Variants in PARD3B observed in about 807,000 individuals in gnomAD.
The protein encoded by PARD3B is par-3 family cell polarity regulator beta, also known as partitioning defective 3 homolog B.
A neutral mutation model predicts 130.2 loss-of-function variants in PARD3B; 103 were observed. The observed-to-expected ratio is 0.79, with a 90% CI of 0.67 to 0.93. The LOEUF (loss-of-function observed/expected upper bound fraction) is 0.93, where lower values mean the gene tolerates loss of function less well. Ranked by LOEUF, PARD3B falls within the 40% of genes least tolerant of loss-of-function variation. The pLI, the probability that PARD3B is intolerant of heterozygous loss-of-function variation, is 0.00. For synonymous variants in PARD3B, 583 were observed against 553.2 expected (o/e 1.05, Z -0.76); for missense variants, 1,609 against 1,499.2 (o/e 1.07, Z -1.21).
intron 1 of PARD3B, among the ~76,000 whole-genome samples, chr2:204,594,934 T>C (rs1404131858): frequency 6.6e-6 from 1 of 152,202 alleles, no homozygotes; most frequent in Non-Finnish European, 1.5e-5. Context: ...TCACAATTGC[T>C]GTTTCTAAGT....
chr2:204,676,630 A>G (rs2036556933), intron 1 of PARD3B, among the ~76,000 whole-genome samples: 1 of 145,640 alleles, frequency 6.9e-6, no homozygotes, highest in South Asian at 2.2e-4. Context: ...TAGAGAGCTC[A>G]TGTTTTTACC....
intron 2 of PARD3B, among the ~76,000 whole-genome samples, chr2:204,720,415 G>T (rs532766977): frequency 1.3e-5 from 2 of 152,110 alleles, no homozygotes; most frequent in Non-Finnish European, 2.9e-5. Flanking sequence ...TGATAAAATA[G>T]ACCCAACTTA....
At chr2:205,560,370 A>G (rs1225249476) in intron 22 of PARD3B, among the ~76,000 whole-genome samples, 1 of 152,228 alleles carries the variant, frequency 6.6e-6, no homozygotes, top group Admixed American at 6.5e-5. Context: ...ATAAAAATCA[A>G]TTCTTTTTTC....
In PARD3B at chr2:204,918,593, G is replaced by A. The variant is rs556824226; in HGVS notation, c.223-46559G>A. Among the ~76,000 whole-genome samples, 50 of 145,788 alleles carry A rather than the reference G, an allele frequency of 3.4e-4. No individual in the cohort carries two copies. The East Asian group carries it at 5.8e-3, about 17-fold the overall frequency. ...TGCAGTGAGCCGAGATCCCGCCACTGCACTCCAGCCTGGGCGACAGAGCGA... is the reference window on the plus strand; with the variant it reads ...TGCAGTGAGCCGAGATCCCGCCACTACACTCCAGCCTGGGCGACAGAGCGA... On this transcript the variant is annotated intron_variant, in intron 2 of 22. Coordinates refer to ENST00000406610, the MANE Select transcript of PARD3B (RefSeq NM_001302769.2).
intron 2 of PARD3B, among the ~76,000 whole-genome samples, chr2:204,760,900 G>T (rs1196247482): frequency 6.6e-6 from 1 of 152,154 alleles, no homozygotes; most frequent in African/African-American, 2.4e-5. Flanking sequence ...AGTTACTTCT[G>T]TTCAAGGATA....
In PARD3B at chr2:204,546,044, C is replaced by T. The variant is rs928208415; in HGVS notation, c.45C>T (p.Pro15=). 1 of 1,567,002 alleles carries T rather than the reference C, an allele frequency of 6.4e-7. No individual in the cohort carries two copies. Among genetic ancestry groups the T allele is most frequent in the Non-Finnish European group, 8.7e-7 (1 of 1,155,144 alleles). ...VCFGRTGIVV[P]CKEGQLRVGE... is the part of the protein sequence containing the mutation. ...TCGGCAGGACGGGCATCGTGGTGCCCTGCAAGGAGGGCCAGCTGCGCGTCG... is the reference window on the plus strand; with the variant it reads ...TCGGCAGGACGGGCATCGTGGTGCCTTGCAAGGAGGGCCAGCTGCGCGTCG... The change falls in exon 1 of 23, where the codon CCC becomes CCT. Residue 15 remains proline (P), a synonymous_variant. Coordinates refer to ENST00000406610, the MANE Select transcript of PARD3B (RefSeq NM_001302769.2).
intron 20 of PARD3B, among the ~76,000 whole-genome samples, chr2:205,495,582 A>G (rs1361680134): frequency 6.6e-6 from 1 of 152,196 alleles, no homozygotes; most frequent in African/African-American, 2.4e-5. Context: ...GTGCTGCTAA[A>G]TTCCATGAAG....
At chr2:205,404,339 T>G (rs2046350192) in intron 19 of PARD3B, among the ~76,000 whole-genome samples, 1 of 152,200 alleles carries the variant, frequency 6.6e-6, no homozygotes, top group South Asian at 2.1e-4. Flanking sequence ...TGATTTAAAG[T>G]ATATGAGAGG....
intron 18 of PARD3B, among the ~76,000 whole-genome samples, chr2:205,380,858 T>C (rs1351859287): frequency 1.0e-5 from 1 of 98,286 alleles, no homozygotes; most frequent in African/African-American, 4.2e-5. Flanking sequence ...AAGAATACAT[T>C]ATATATAATA....
chr2:204,986,755 G>A (rs1453704333), intron 3 of PARD3B, among the ~76,000 whole-genome samples: 1 of 152,080 alleles, frequency 6.6e-6, no homozygotes, highest in South Asian at 2.1e-4. Flanking sequence ...CTTTTCGATG[G>A]GTAATTTGAC....
chr2:205,552,811 G>GA (rs969676896), intron 21 of PARD3B, among the ~76,000 whole-genome samples: 1 of 152,040 alleles, frequency 6.6e-6, no homozygotes, highest in Admixed American at 6.6e-5. Flanking sequence ...TCCAGGGACA[G>GA]AAAAATAGCA....
intron 11 of PARD3B, among the ~76,000 whole-genome samples, chr2:205,162,431 C>T (rs990770226): frequency 5.3e-5 from 8 of 152,210 alleles, no homozygotes; most frequent in Non-Finnish European, 1.0e-4. Flanking sequence ...ACCATAACAG[C>T]GGAATATTGC....
At chr2:204,697,302 G>A (rs2037656368) in intron 2 of PARD3B, among the ~76,000 whole-genome samples, 1 of 152,084 alleles carries the variant, frequency 6.6e-6, no homozygotes, top group Non-Finnish European at 1.5e-5. Flanking sequence ...TAAGACTGAG[G>A]AACCTGGGAC....
chr2:205,578,476 A>G (rs1007340957), intron 22 of PARD3B, among the ~76,000 whole-genome samples: 1 of 152,240 alleles, frequency 6.6e-6, no homozygotes, highest in African/African-American at 2.4e-5. Flanking sequence ...ACCTGTACAG[A>G]AAGCTATAGT....
At chr2:205,379,301 T>C (rs2045211280) in intron 18 of PARD3B, among the ~76,000 whole-genome samples, 1 of 152,134 alleles carries the variant, frequency 6.6e-6, no homozygotes, top group East Asian at 1.9e-4. Context: ...AGATTAATAT[T>C]GACAGGCAGA....
At chr2:205,047,778 G>T in intron 4 of PARD3B, 88 bp downstream of exon 4, 1 of 831,350 alleles carries the variant, frequency 1.2e-6, no homozygotes, top group South Asian at 1.7e-5. Context: ...TAAACACATT[G>T]ATAACTAGAT....
chr2:205,561,952 CT>C (rs941272881), intron 22 of PARD3B, among the ~76,000 whole-genome samples: 1 of 152,178 alleles, frequency 6.6e-6, no homozygotes, highest in African/African-American at 2.4e-5. Flanking sequence ...GTAGGATCAG[CT>C]GTCTGTTTGA....
At chr2:204,902,396 G>C (rs576414186) in intron 2 of PARD3B, among the ~76,000 whole-genome samples, 1 of 152,092 alleles carries the variant, frequency 6.6e-6, no homozygotes, top group Non-Finnish European at 1.5e-5. Context: ...TCAGCCAGGC[G>C]CGGTGGCTCA....
intron 21 of PARD3B, among the ~76,000 whole-genome samples, chr2:205,519,319 G>GAATC (rs2050932371): frequency 1.3e-5 from 2 of 152,074 alleles, no homozygotes; most frequent in Non-Finnish European, 2.9e-5. Flanking sequence ...CTTATTTCAA[G>GAATC]AATCAGTCTT....
Sources: allele counts gnomAD v4.1 joint callset (sites outside exome capture counted in the v4.1 genomes callset), GRCh38; gene constraint gnomAD v4.1.1; transcripts MANE v1.5; gene names NCBI Gene and HGNC (gene_info 2026-07-23, HGNC 2026-07-21).